SLC11A2: variants seen among roughly 807,000 people sequenced by gnomAD.
The protein encoded by SLC11A2 is solute carrier family 11 member 2.
In SLC11A2, 38 loss-of-function variants were observed where a neutral mutation model predicts 68.0. The observed-to-expected ratio is 0.56, with a 90% CI of 0.43 to 0.73. The LOEUF (loss-of-function observed/expected upper bound fraction) is 0.73, where lower values mean the gene tolerates loss of function less well. Ranked by LOEUF, SLC11A2 falls within the 30% of genes least tolerant of loss-of-function variation. The pLI, the probability that SLC11A2 is intolerant of heterozygous loss-of-function variation, is 0.00. For synonymous variants in SLC11A2, 242 were observed against 250.6 expected (o/e 0.97, Z 0.32); for missense variants, 517 against 690.5 (o/e 0.75, Z 2.82).
At chr12:50,997,417 A>C (rs1290791493) in intron 8 of SLC11A2, among the ~76,000 whole-genome samples, 1 of 152,150 alleles carries the variant, frequency 6.6e-6, no homozygotes. Context: ...TTTCTAAAGA[A>C]AGGGCTGGGT....
chr12:50,953,305 T>C, the SLC11A2 span, among the ~76,000 whole-genome samples: 8 of 152,210 alleles, frequency 5.3e-5, no homozygotes, highest in Non-Finnish European at 1.0e-4. Flanking sequence ...GTCTCATTCA[T>C]AGGATGAAGC....
chr12:50,954,190 T>G, the SLC11A2 span: 3 of 735,890 alleles, frequency 4.1e-6, no homozygotes, highest in African/African-American at 5.3e-5. Context: ...TAATTGAATT[T>G]TTTCAGATAA....
the SLC11A2 span, among the ~76,000 whole-genome samples, chr12:50,970,871 CTTTAT>C: frequency 0.17 from 25,197 of 151,282 alleles, 2,484 homozygotes; most frequent in East Asian, 0.5. Flanking sequence ...CTTCTCTTTT[CTTTAT>C]TTTATTTTAT....
intron 11 of SLC11A2, among the ~76,000 whole-genome samples, chr12:50,993,374 C>A (rs921949655): frequency 6.6e-6 from 1 of 152,092 alleles, no homozygotes; most frequent in African/African-American, 2.4e-5. Flanking sequence ...AACTGAGAGA[C>A]TCCAGTAAAA....
chr12:50,991,649 G>T lies in SLC11A2; in HGVS notation c.1371C>A (p.Ile457=), dbSNP rs1941162088. The change falls in exon 14 of 16, where the codon ATC becomes ATA. Residue 457 remains isoleucine, a synonymous_variant. Coordinates refer to ENST00000262052, the MANE Select transcript of SLC11A2 (RefSeq NM_000617.3). ...CTGGCCGCAAGCTCGTAAATGTGAG[G>T]ATGGGTATGAGAGCAAAGGGAAGCT... ...SLQLPFALIP[I]LTFTSLRPVM... The T allele has an allele frequency of 1.2e-6, 2 of 1,613,914 alleles. No homozygotes were observed. Among genetic ancestry groups the T allele is most frequent in the Non-Finnish European group, 1.7e-6 (2 of 1,179,900 alleles).
chr12:50,957,937 GGT>G, the SLC11A2 span, among the ~76,000 whole-genome samples: 5,681 of 132,336 alleles, frequency 0.043, 142 homozygotes, highest in Admixed American at 0.096. Flanking sequence ...ATGAATTGGA[GGT>G]GTGTGTGTGT....
chr12:50,976,615 C>T (rs1445511882), downstream of SLC11A2, among the ~76,000 whole-genome samples: 1 of 152,190 alleles, frequency 6.6e-6, no homozygotes, highest in Non-Finnish European at 1.5e-5. Context: ...CTCACCACTC[C>T]TATTCAACAC....
Position 50,992,886 on chromosome 12 carries a change from A to G in SLC11A2, c.1121T>C (p.Ile374Thr). 1 of 1,614,062 alleles carries G rather than the reference A, an allele frequency of 6.2e-7. No individual in the cohort carries two copies. Among genetic ancestry groups the G allele is most frequent in the Non-Finnish European group, 8.5e-7 (1 of 1,179,980 alleles). Residue 374 changes from isoleucine to threonine, a missense_variant, in exon 12 of 16, where the codon ATT becomes ACT. Transcript: ENST00000262052. ...TGCAGCCAGGATCCCCACTGCCCAAATGTAGAGTGCAGCAGGCCCAAAGTA... is the reference window on the plus strand; with the variant it reads ...TGCAGCCAGGATCCCCACTGCCCAAGTGTAGAGTGCAGCAGGCCCAAAGTA... Reference protein sequence around the residue: ...GCYFGPAALYIWAVGILAAGQ... With the variant: ...GCYFGPAALYTWAVGILAAGQ...
intron 12 of SLC11A2, 63 bp from the exon 13 acceptor site, chr12:50,992,402 G>A: frequency 6.7e-7 from 1 of 1,501,922 alleles, no homozygotes; most frequent in Non-Finnish European, 9.2e-7. Context: ...GTTTTGGGGA[G>A]GTTCAGGAGA....
intron 8 of SLC11A2, among the ~76,000 whole-genome samples, 169 bp from the exon 9 acceptor site, chr12:50,997,141 G>A (rs570624318): frequency 6.6e-6 from 1 of 152,224 alleles, no homozygotes; most frequent in East Asian, 1.9e-4. Flanking sequence ...GCAGTGGCAT[G>A]ATCACAGCTC....
At position 50,996,837 on chromosome 12, in the gene SLC11A2, G is replaced by A. The variant is rs1355506388; in HGVS notation, c.811C>T (p.Leu271=). The A allele has an allele frequency of 1.2e-6, 2 of 1,614,110 alleles. No homozygotes were observed. Among genetic ancestry groups the A allele is most frequent in the Admixed American group, 1.7e-5 (1 of 60,012 alleles). Residue 271 remains leucine (L), a synonymous_variant, in exon 9 of 16, where the codon CTG becomes TTG. Coordinates refer to ENST00000262052, the MANE Select transcript of SLC11A2 (RefSeq NM_000617.3). ...CTCACCTTGACTAAGGCAGAATGCA[G>A]GTACATGTTGTGTGGCATGATGACA... ...GAVIMPHNMY[L]HSALVKSRQV...
chr12:50,953,834 G>A, the SLC11A2 span: 1 of 538,302 alleles, frequency 1.9e-6, no homozygotes, highest in South Asian at 2.6e-5. Flanking sequence ...ATTCGGTAGT[G>A]AAAAGTGTGA....
At chr12:50,968,234 C>G in the SLC11A2 span, among the ~76,000 whole-genome samples, 6 of 152,222 alleles carry the variant, frequency 3.9e-5, no homozygotes, top group African/African-American at 1.4e-4. Context: ...GTTTCTAATA[C>G]TGGGGACTGA....
At chr12:50,955,599 A>C in the SLC11A2 span, among the ~76,000 whole-genome samples, 2 of 152,220 alleles carry the variant, frequency 1.3e-5, no homozygotes, top group Non-Finnish European at 2.9e-5. Context: ...GTTCCCGTTA[A>C]GTGTTACTCT....
chr12:50,998,589 A>G (rs1941939013), intron 8 of SLC11A2, among the ~76,000 whole-genome samples: 1 of 152,164 alleles, frequency 6.6e-6, no homozygotes, highest in South Asian at 2.1e-4. Flanking sequence ...TAATCAACCC[A>G]TAGATTACAT....
the SLC11A2 span, among the ~76,000 whole-genome samples, chr12:50,971,437 T>C: frequency 2.0e-5 from 3 of 152,224 alleles, no homozygotes; most frequent in South Asian, 6.2e-4. Flanking sequence ...TTTAAAGTAG[T>C]TCTAGGAATA....
At chr12:50,960,823 C>G in the SLC11A2 span, 1 of 618,176 alleles carries the variant, frequency 1.6e-6, no homozygotes, top group Non-Finnish European at 2.7e-6. Context: ...GCTGGGACTA[C>G]AGACGTGTAT....
downstream of SLC11A2, chr12:50,981,793 C>G: frequency 1.3e-6 from 2 of 1,525,648 alleles, no homozygotes. Context: ...AGCTGTCAAT[C>G]CCAGATGGCA....
At chr12:50,982,841 T>C (rs1186836823), downstream of SLC11A2, among the ~76,000 whole-genome samples, 3 of 150,072 alleles carry the variant, frequency 2.0e-5, no homozygotes, top group Non-Finnish European at 2.9e-5. Context: ...CTCACGAGGC[T>C]GAGGCAGGAG....
Sources: allele counts gnomAD v4.1 joint callset (sites outside exome capture counted in the v4.1 genomes callset), GRCh38; gene constraint gnomAD v4.1.1; transcripts MANE v1.5; gene names NCBI Gene and HGNC (gene_info 2026-07-23, HGNC 2026-07-21).